The following USP40 variants were observed in gnomAD, a reference collection of about 807,000 sequenced individuals.
The protein encoded by USP40 is ubiquitin specific peptidase 40.
A neutral mutation model predicts 166.2 loss-of-function variants in USP40; 143 were observed. The ratio of observed to expected loss-of-function variants is 0.86; its 90% CI spans 0.75 to 0.99. USP40 has a LOEUF of 0.99. USP40 is among the 50% of genes least tolerant of loss of function. The pLI is 0.00. For missense variants in USP40, 1,444 were observed against 1,479.7 expected (o/e 0.98, Z 0.40); for synonymous variants, 498 against 524.0 (o/e 0.95, Z 0.68).
chr2:233,564,051 T>A (rs2125412843), intron 2 of USP40, among the ~76,000 whole-genome samples: 1 of 152,330 alleles, frequency 6.6e-6, no homozygotes, highest in South Asian at 2.1e-4. Flanking sequence ...ACTGGTGGAA[T>A]TACTGATTGC....
Position 233,533,644 on chromosome 2 carries a change from C to A in USP40, c.1306G>T (p.Glu436Ter). Reference sequence around the variant, plus strand: ...ATGCTATTGTTTAAACCTGGGGATTCTGGAGGAAGCATCTTGAAAATTTGC... The same window carrying A: ...ATGCTATTGTTTAAACCTGGGGATTATGGAGGAAGCATCTTGAAAATTTGC... ...DQQIFKMLPP[E>*]SPGLNNSISC... is the part of the protein sequence containing the mutation. The change falls in exon 11 of 32, where the codon GAA becomes TAA. Residue 436 changes from glutamate to a stop codon, truncating the protein, a stop_gained. Transcript: ENST00000678225. LOFTEE classifies it high-confidence loss of function. The A allele has an allele frequency of 6.2e-7, 1 of 1,613,716 alleles. No individual in the cohort carries two copies. The highest frequency in any genetic ancestry group is 1.3e-5 in the African/African-American group (1 of 74,966).
intron 28 of USP40, chr2:233,487,895 C>T (rs1424294804): frequency 5.9e-5 from 31 of 529,784 alleles, no homozygotes; most frequent in South Asian, 3.1e-4. Context: ...GGGGGCAGAG[C>T]GACGGGAGCA....
Position 233,562,843 on chromosome 2 carries a change from T to C in USP40, c.200-40A>G, listed in dbSNP as rs1361675890. On this transcript the variant is annotated intron_variant, in intron 2 of 31. Transcript: ENST00000678225. The stretch of plus-strand genomic sequence containing the variant: ...AGAATCAGAGATGCAAATGACATCA[T>C]TTCATTTTAAAAAATTGTTTTAGAA... 3.4e-6 allele frequency: 5 copies of C among 1,455,744 alleles called. No homozygotes were observed. In the Admixed American group the frequency reaches 8.0e-5, roughly 23 times the overall value. The allele number at this position is 1,455,744 out of a possible 1,614,324, so 90.2% of individuals were successfully genotyped here.
intron 8 of USP40, among the ~76,000 whole-genome samples, chr2:233,547,830 G>A (rs1324757968): frequency 1.3e-5 from 2 of 152,260 alleles, no homozygotes; most frequent in East Asian, 1.9e-4. Context: ...ATATGTGTAT[G>A]TGCACACACA....
chr2:233,494,272 A>AT (rs148019660), intron 24 of USP40, among the ~76,000 whole-genome samples: 34 of 149,064 alleles, frequency 2.3e-4, no homozygotes, highest in East Asian at 7.8e-4. Flanking sequence ...ACAAAATTCC[A>AT]TTTTTTTTTT....
intron 22 of USP40, 61 bp downstream of exon 22, chr2:233,499,818 A>C: frequency 6.6e-7 from 1 of 1,526,148 alleles, no homozygotes. Flanking sequence ...TGGAGAAAAA[A>C]AAAGTCAAAA....
chr2:233,485,874 C>T lies in USP40; in HGVS notation c.3301G>A (p.Gly1101Ser), dbSNP rs187378374. 9.3e-5 allele frequency: 149 copies of T among 1,607,464 alleles called. No individual in the cohort carries two copies. In the African/African-American group the frequency reaches 1.4e-3, roughly 15 times the overall value. ...VWNAAQGGTA[G>S]SLRQRVADFY... ...TCGGCAACTCTCTGCCTCAGGGAGC[C>T]GGCAGTCCCACCCTGGGCCGCGTTC... Residue 1101 changes from glycine (G) to serine (S), a missense_variant, in exon 29 of 32, where the codon GGC (glycine) becomes AGC (serine). Physicochemically the swap from Gly to Ser is moderately conservative, Grantham distance 56. Coordinates refer to ENST00000678225, the MANE Select transcript of USP40 (RefSeq NM_001365479.2).
intron 4 of USP40, among the ~76,000 whole-genome samples, chr2:233,559,257 T>A (rs2071367957): frequency 6.6e-6 from 1 of 152,088 alleles, no homozygotes; most frequent in Admixed American, 6.5e-5. Context: ...ACAAGATTCA[T>A]AAAGAAAATG....
chr2:233,508,089 G>A (rs2066555712), intron 21 of USP40, among the ~76,000 whole-genome samples: 1 of 151,968 alleles, frequency 6.6e-6, no homozygotes, highest in Admixed American at 6.6e-5. Context: ...CCCTGCCCTT[G>A]CCCAGAATTT....
intron 21 of USP40, among the ~76,000 whole-genome samples, chr2:233,502,189 T>A (rs1161543017): frequency 6.6e-6 from 1 of 152,096 alleles, no homozygotes; most frequent in Non-Finnish European, 1.5e-5. Flanking sequence ...GGAAGATACA[T>A]CACTTTTGAA....
chr2:233,508,126 T>C (rs1252833870), intron 21 of USP40, among the ~76,000 whole-genome samples: 1 of 152,178 alleles, frequency 6.6e-6, no homozygotes, highest in Non-Finnish European at 1.5e-5. Context: ...GATATATAAT[T>C]TCATCTGTAA....
At chr2:233,511,673 G>A in intron 20 of USP40, 36 bp downstream of exon 20, 2 of 1,551,376 alleles carry the variant, frequency 1.3e-6, no homozygotes, top group South Asian at 2.3e-5. Flanking sequence ...TTATGGAAGG[G>A]TTGATTTTGT....
chr2:233,552,128 T>G (rs1275053431), intron 6 of USP40, among the ~76,000 whole-genome samples: 1 of 150,804 alleles, frequency 6.6e-6, no homozygotes, highest in Non-Finnish European at 1.5e-5. Context: ...CTCCTTGATA[T>G]ATAAAATTAC....
chr2:233,496,761 A>G lies in USP40; in HGVS notation c.2787T>C (p.Pro929=), dbSNP rs752699213. 1.5e-5 allele frequency: 24 copies of G among 1,611,572 alleles called. No individual in the cohort carries two copies. Among genetic ancestry groups the G allele is most frequent in the Non-Finnish European group, 2.0e-5 (23 of 1,178,700 alleles). ...CTATTCAGAAGTAAAATCTTACCAG[A>G]GGAGGAAGTTGTCCTTCAATTAAAA... is the stretch of plus-strand genomic sequence containing the variant. The part of the protein sequence containing the change: ...TLLLIEGQLP[P]LGFLKVPIWW... Residue 929 remains proline, a synonymous_variant, in exon 24 of 32, where the codon CCT becomes CCC. Coordinates refer to ENST00000678225, the MANE Select transcript of USP40 (RefSeq NM_001365479.2).
rs773058261 is a variant in USP40 at position 233,523,473 on chromosome 2, A to C, written c.1898T>G (p.Ile633Ser). The C allele has an allele frequency of 6.2e-7, 1 of 1,613,402 alleles. No homozygotes were observed. Among genetic ancestry groups the C allele is most frequent in the South Asian group, 1.1e-5 (1 of 91,006 alleles). The change falls in exon 16 of 32, where the codon ATT becomes AGT. Residue 633 changes from isoleucine to serine, a missense_variant. Physicochemically the swap from Ile to Ser is moderately radical, Grantham distance 142. Transcript: ENST00000678225. ...WNGVEVGGVH[I>S]QTGIDCEPLL... ...AGGTTCGCAGTCAATACCAGTTTGA[A>C]TGTGGACTCCACCAACCTGCAATCA... is the stretch of plus-strand genomic sequence containing the variant.
rs367662150 is a variant in USP40, at chr2:233,477,410, G to A, written c.3693C>T (p.His1231=). 3.1e-5 allele frequency: 50 copies of A among 1,613,684 alleles called. No homozygotes were observed. The highest frequency in any genetic ancestry group is 3.9e-5 in the Non-Finnish European group (46 of 1,179,790). The change falls in exon 32 of 32, where the codon CAC becomes CAT. Residue 1231 remains histidine (H), a synonymous_variant. Transcript: ENST00000678225. ...PRAPETSLSI[H]VGSFR ...GGCGCGGTTATCTGAAGCTCCCCAC[G>A]TGGATGGAGAGAGAAGTTTCCGGGG...
At chr2:233,514,494 AG>A (rs1272667807) in intron 18 of USP40, among the ~76,000 whole-genome samples, 2 of 151,088 alleles carry the variant, frequency 1.3e-5, no homozygotes, top group Non-Finnish European at 3.0e-5. Context: ...ATGGGAAGTG[AG>A]TTGTGAGTAC....
intron 25 of USP40, 154 bp from the exon 26 acceptor site, chr2:233,491,415 G>A: frequency 4.7e-6 from 3 of 640,730 alleles, no homozygotes; most frequent in African/African-American, 1.8e-5. Context: ...CTGTCTGGCA[G>A]GTAAGCAGGC....
At chr2:233,560,754 C>T (rs575591842) in intron 3 of USP40, 15 of 404,970 alleles carry the variant, frequency 3.7e-5, no homozygotes, top group Admixed American at 8.0e-5. Flanking sequence ...TAACTCATTA[C>T]TCAATTTATT....
Sources: allele counts gnomAD v4.1 joint callset (sites outside exome capture counted in the v4.1 genomes callset), GRCh38; gene constraint gnomAD v4.1.1; transcripts MANE v1.5; gene names NCBI Gene and HGNC (gene_info 2026-07-23, HGNC 2026-07-21).